Variants in PAK2 observed in about 807,000 individuals in gnomAD.
The protein encoded by PAK2 is serine/threonine-protein kinase PAK 2.
Under a neutral mutation model 65.9 loss-of-function variants are expected in PAK2, and 21 were observed. The ratio of observed to expected loss-of-function variants is 0.32; its 90% CI spans 0.23 to 0.46. The LOEUF (loss-of-function observed/expected upper bound fraction) is 0.46, where lower values mean the gene tolerates loss of function less well. Ranked by LOEUF, PAK2 falls within the 20% of genes least tolerant of loss-of-function variation. The probability of loss-of-function intolerance (pLI) is 1.00; values close to 1 mark genes in which losing one functional copy is unlikely to be tolerated. For missense variants in PAK2, 324 were observed against 642.6 expected, an observed-to-expected ratio of 0.50 and a Z score of 5.36; for synonymous variants, 204 against 219.7, an observed-to-expected ratio of 0.93 and a Z score of 0.63.
intron 1 of PAK2, among the ~76,000 whole-genome samples, chr3:196,751,669 A>ATATG (rs1252501486): frequency 3.4e-4 from 9 of 26,652 alleles, no homozygotes; most frequent in African/African-American, 2.0e-3. Context: ...AAATTTATTT[A>ATATG]TATACATATA....
intron 10 of PAK2, among the ~76,000 whole-genome samples, chr3:196,813,970 A>G (rs4916558): frequency 0.16 from 24,806 of 152,030 alleles, 2,172 homozygotes; most frequent in Middle Eastern, 0.27. Flanking sequence ...TAAAAAATAA[A>G]CTTTTCAGGT....
chr3:196,825,518 C>T (rs979305259), intron 13 of PAK2, among the ~76,000 whole-genome samples: 25 of 151,966 alleles, frequency 1.6e-4, no homozygotes, highest in Admixed American at 8.5e-4. Flanking sequence ...TGGCGGGCGC[C>T]TATAATCCCA....
intron 1 of PAK2, among the ~76,000 whole-genome samples, chr3:196,764,337 C>G (rs1179563380): frequency 6.6e-6 from 1 of 151,770 alleles, no homozygotes; most frequent in Non-Finnish European, 1.5e-5. Context: ...TTTTTCTTGC[C>G]AGGCGCAGTG....
At chr3:196,801,832 T>TA in intron 2 of PAK2, 95 bp from the exon 3 acceptor site, 5 of 698,744 alleles carry the variant, frequency 7.2e-6, no homozygotes, top group South Asian at 6.8e-5. Context: ...AAACTCCATT[T>TA]AAAAAAACAA....
chr3:196,745,080 G>C (rs1713328678), intron 1 of PAK2, among the ~76,000 whole-genome samples: 1 of 148,992 alleles, frequency 6.7e-6, no homozygotes, highest in Non-Finnish European at 1.5e-5. Flanking sequence ...ATTCTTATGT[G>C]TTTTCTTCTG....
chr3:196,770,382 G>A (rs1179243688), intron 1 of PAK2, among the ~76,000 whole-genome samples: 4 of 151,756 alleles, frequency 2.6e-5, no homozygotes, highest in African/African-American at 9.7e-5. Context: ...CCAGTATGGT[G>A]GCATGTACCT....
chr3:196,807,301 C>T (rs143524470), intron 6 of PAK2, among the ~76,000 whole-genome samples: 184 of 152,264 alleles, frequency 1.2e-3, no homozygotes, highest in African/African-American at 4.3e-3. Flanking sequence ...CTCTGGATGC[C>T]AAGCTGATGG....
Position 196,782,703 on chromosome 3 carries a change from C to T in PAK2, c.57C>T (p.Ser19=). Reference sequence around the variant, plus strand: ...CTCCAGCACCTCCTGTGCGAATGAGCAGCACCATCTTTAGCACTGGAGGCA... The same window carrying T: ...CTCCAGCACCTCCTGTGCGAATGAGTAGCACCATCTTTAGCACTGGAGGCA... The part of the protein sequence containing the change: ...DKPPAPPVRM[S]STIFSTGGKD... The change falls in exon 2 of 15, where the codon AGC becomes AGT. Residue 19 remains serine, a synonymous_variant. Coordinates refer to ENST00000327134, the MANE Select transcript of PAK2 (RefSeq NM_002577.4). 1 of 1,611,216 alleles carries T rather than the reference C, an allele frequency of 6.2e-7. No individual in the cohort carries two copies.
At chr3:196,815,126 G>A (rs1715962398) in intron 11 of PAK2, among the ~76,000 whole-genome samples, 1 of 150,652 alleles carries the variant, frequency 6.6e-6, no homozygotes, top group African/African-American at 2.4e-5. Flanking sequence ...CTTGCAGTGA[G>A]CCGAGATCAC....
intron 12 of PAK2, among the ~76,000 whole-genome samples, chr3:196,818,453 G>A (rs745363995): frequency 2.2e-4 from 33 of 152,162 alleles, no homozygotes; most frequent in African/African-American, 5.5e-4. Flanking sequence ...TGCAACCTCC[G>A]CCTCCTGGGT....
At chr3:196,750,834 C>G (rs2108710093) in intron 1 of PAK2, among the ~76,000 whole-genome samples, 1 of 148,712 alleles carries the variant, frequency 6.7e-6, no homozygotes, top group Middle Eastern at 3.6e-3. Flanking sequence ...TTAATGCTTT[C>G]TGTTTTTTAA....
intron 1 of PAK2, among the ~76,000 whole-genome samples, chr3:196,782,065 C>T (rs1374541900): frequency 3.3e-5 from 5 of 152,090 alleles, no homozygotes; most frequent in Non-Finnish European, 5.9e-5. Context: ...GAGATCACGC[C>T]ACTGCACTCC....
At chr3:196,769,641 C>T (rs1213823300) in intron 1 of PAK2, among the ~76,000 whole-genome samples, 1 of 66,708 alleles carries the variant, frequency 1.5e-5, no homozygotes, top group Non-Finnish European at 2.9e-5. Context: ...GAAACCCCGT[C>T]TCTCCTAAAA....
At chr3:196,801,005 A>G (rs757602710) in intron 2 of PAK2, among the ~76,000 whole-genome samples, 1 of 152,144 alleles carries the variant, frequency 6.6e-6, no homozygotes, top group Non-Finnish European at 1.5e-5. Context: ...GTTGGAGTTC[A>G]CAGAGAACAT....
At chr3:196,819,582 T>A (rs749122602) in intron 12 of PAK2, among the ~76,000 whole-genome samples, 36 of 152,330 alleles carry the variant, frequency 2.4e-4, no homozygotes, top group Non-Finnish European at 4.7e-4. Context: ...TTCATGCATA[T>A]GTACATGCAT....
intron 1 of PAK2, among the ~76,000 whole-genome samples, chr3:196,744,290 T>C (rs772433400): frequency 3.3e-5 from 5 of 152,228 alleles, no homozygotes; most frequent in Non-Finnish European, 7.3e-5. Flanking sequence ...AAAATTACCT[T>C]AGTCTCAGCT....
At chr3:196,822,004 TAAGTGA>T (rs1245328549) in intron 13 of PAK2, among the ~76,000 whole-genome samples, 1 of 152,198 alleles carries the variant, frequency 6.6e-6, no homozygotes, top group Non-Finnish European at 1.5e-5. Flanking sequence ...AGTACTGTGC[TAAGTGA>T]AAGAAGCCGA....
At chr3:196,809,283 A>G (rs958720970) in intron 7 of PAK2, among the ~76,000 whole-genome samples, 11 of 140,570 alleles carry the variant, frequency 7.8e-5, no homozygotes, top group Non-Finnish European at 1.5e-4. Flanking sequence ...CCCCATGTTT[A>G]TTTGGTTTTG....
At chr3:196,759,489 GTTTTTTTTGTTTT>G (rs1713877913) in intron 1 of PAK2, among the ~76,000 whole-genome samples, 1 of 98,852 alleles carries the variant, frequency 1.0e-5, no homozygotes, top group African/African-American at 4.3e-5. Flanking sequence ...CAGTTAAGTG[GTTTTTTTTGTTTT>G]TTTTTTTTTT....
Sources: gnomAD v4.1 joint callset for allele counts (sites outside exome capture counted in the v4.1 genomes callset) on GRCh38, gnomAD v4.1.1 for gene constraint, MANE v1.5 for transcripts, NCBI Gene and HGNC (gene_info 2026-07-23, HGNC 2026-07-21) for gene names.